RALB: variants seen among roughly 807,000 people sequenced by gnomAD.
RALB encodes ras-related protein Ral-B.
RALB carries 16 observed loss-of-function variants against 21.3 expected under a neutral mutation model. The observed-to-expected ratio is 0.75, with a 90% CI of 0.51 to 1.14. RALB has a LOEUF of 1.14. Among genes scored for constraint, RALB ranks in the 50% most tolerant of loss-of-function variants. RALB has a pLI of 0.00. For missense variants in RALB, 161 were observed against 256.2 expected (o/e 0.63, Z 2.54); for synonymous variants, 93 against 96.1 (o/e 0.97, Z 0.19).
intron 1 of RALB, among the ~76,000 whole-genome samples, chr2:120,266,496 C>T (rs530506794): frequency 2.0e-5 from 3 of 152,288 alleles, no homozygotes; most frequent in African/African-American, 7.2e-5. Context: ...ATCTGCCCAC[C>T]TTGGCCTCCC....
intron 3 of RALB, among the ~76,000 whole-genome samples, chr2:120,287,029 T>C (rs900958275): frequency 4.6e-5 from 7 of 152,166 alleles, no homozygotes; most frequent in African/African-American, 1.7e-4. Flanking sequence ...CTTATAAACA[T>C]ATCTATCTAG....
chr2:120,282,475 T>C (rs1217971706), intron 2 of RALB, among the ~76,000 whole-genome samples: 4 of 125,100 alleles, frequency 3.2e-5, no homozygotes, highest in Non-Finnish European at 6.2e-5. Context: ...CGAAACTCCA[T>C]CTCAAAAAAA....
Position 120,293,460 on chromosome 2 carries a change from G to A in RALB, c.*200G>A. On this transcript the variant is annotated 3_prime_UTR_variant, in exon 5 of 5. Coordinates refer to ENST00000272519, the MANE Select transcript of RALB (RefSeq NM_002881.3). ...CCCATGCAAGTGGAAGGGCTGCTTT[G>A]TCAGGAGGTTGTGGAATTTCTTTCT... 2.5e-6 allele frequency: 1 copy of A among 393,168 alleles called. No individual in the cohort carries two copies. Among genetic ancestry groups the A allele is most frequent in the Non-Finnish European group, 4.2e-6 (1 of 236,720 alleles). The allele number at this position is 393,168 out of a possible 1,614,324, so 24.4% of individuals were successfully genotyped here.
chr2:120,278,356 CCT>C (rs1689899343), intron 1 of RALB, among the ~76,000 whole-genome samples: 2 of 152,212 alleles, frequency 1.3e-5, no homozygotes, highest in African/African-American at 4.8e-5. Flanking sequence ...GACTGGGTGT[CCT>C]CTCCACCCTG....
At chr2:120,287,521 A>G (rs1387787429) in intron 3 of RALB, among the ~76,000 whole-genome samples, 2 of 152,228 alleles carry the variant, frequency 1.3e-5, no homozygotes, top group Non-Finnish European at 2.9e-5. Context: ...AACAGGACAG[A>G]TGCACACACT....
chr2:120,240,681 C>T (rs551971582), intron 1 of RALB, among the ~76,000 whole-genome samples: 9 of 152,320 alleles, frequency 5.9e-5, no homozygotes, highest in East Asian at 1.9e-4. Flanking sequence ...GGCAGGCCTA[C>T]ACAGGCCTGC....
intron 1 of RALB, among the ~76,000 whole-genome samples, chr2:120,261,157 T>TG (rs1270989411): frequency 5.9e-5 from 9 of 152,216 alleles, no homozygotes; most frequent in African/African-American, 1.7e-4. Flanking sequence ...GAAGGATATA[T>TG]GGGGGTCAAA....
At chr2:120,278,914 G>C in intron 2 of RALB, 136 bp downstream of exon 2, 2 of 720,910 alleles carry the variant, frequency 2.8e-6, no homozygotes, top group Non-Finnish European at 3.9e-6. Flanking sequence ...CTTCTGAATA[G>C]CTTCCTAGGA....
rs558249695 is a variant in RALB, at chr2:120,257,938, A to G, written c.-48+4958A>G. On this transcript the variant is annotated intron_variant, in intron 1 of 4. Coordinates refer to ENST00000272519, the MANE Select transcript of RALB (RefSeq NM_002881.3). ...TAAAAATCTCAAATTATATGTGTTC[A>G]TGTAGTAAACACTGCCATTTTTTAA... 6.2e-4 allele frequency among the ~76,000 whole-genome samples: 95 copies of G among 152,306 alleles called. No individual in the cohort carries two copies. The South Asian group carries it at 0.019, about 31-fold the overall frequency.
At chr2:120,277,994 TGTGTGCGA>T (rs1248143065) in intron 1 of RALB, among the ~76,000 whole-genome samples, 1 of 149,422 alleles carries the variant, frequency 6.7e-6, no homozygotes, top group Non-Finnish European at 1.5e-5. Flanking sequence ...TGTGTGAATG[TGTGTGCGA>T]GTGTGTGAGC....
chr2:120,287,130 G>T (rs1475090829), intron 3 of RALB, among the ~76,000 whole-genome samples: 3 of 152,218 alleles, frequency 2.0e-5, no homozygotes, highest in African/African-American at 7.2e-5. Context: ...TCTTCAGCAA[G>T]TTCTGGTCTG....
At chr2:120,247,409 C>T (rs1688989175) in intron 1 of RALB, among the ~76,000 whole-genome samples, 1 of 152,182 alleles carries the variant, frequency 6.6e-6, no homozygotes, top group South Asian at 2.1e-4. Context: ...TAGCAAATGA[C>T]TTGGGCCTCT....
chr2:120,270,833 G>C (rs978242181), intron 1 of RALB, among the ~76,000 whole-genome samples: 10 of 152,096 alleles, frequency 6.6e-5, no homozygotes, highest in Admixed American at 6.5e-4. Context: ...TTTCAATACT[G>C]TTCTTGTTTT....
upstream of RALB, among the ~76,000 whole-genome samples, chr2:120,251,620 T>A (rs1689058314): frequency 6.6e-6 from 1 of 152,266 alleles, no homozygotes; most frequent in Non-Finnish European, 1.5e-5. Context: ...GGTTTGGGTC[T>A]GATTCCTCTT....
intron 2 of RALB, among the ~76,000 whole-genome samples, chr2:120,282,568 G>A (rs991996457): frequency 7.4e-5 from 9 of 121,450 alleles, no homozygotes; most frequent in African/African-American, 2.4e-4. Flanking sequence ...TTGGGGAGGG[G>A]GGCGGGGGTG....
chr2:120,250,835 T>C (rs1258595505), upstream of RALB, among the ~76,000 whole-genome samples: 1 of 152,138 alleles, frequency 6.6e-6, no homozygotes, highest in Non-Finnish European at 1.5e-5. Context: ...GTGTCCTGTG[T>C]GAGACAGCCC....
chr2:120,278,475 C>A, intron 1 of RALB, 143 bp from the exon 2 acceptor site: 1 of 761,926 alleles, frequency 1.3e-6, no homozygotes, highest in Non-Finnish European at 1.9e-6. Flanking sequence ...GGAGGGCTCG[C>A]ATGTCTGCCC....
At chr2:120,250,592 T>C (rs1689038100), upstream of RALB, among the ~76,000 whole-genome samples, 2 of 152,022 alleles carry the variant, frequency 1.3e-5, no homozygotes, top group Non-Finnish European at 2.9e-5. Context: ...AAGGATGGAG[T>C]GTCTAGAATG....
chr2:120,277,809 G>C (rs1413664636), intron 1 of RALB, among the ~76,000 whole-genome samples: 2 of 151,178 alleles, frequency 1.3e-5, no homozygotes, highest in African/African-American at 4.9e-5. Context: ...GTGTGAGAGC[G>C]TGTGAGAGCA....
Sources: allele counts gnomAD v4.1 joint callset (sites outside exome capture counted in the v4.1 genomes callset), GRCh38; gene constraint gnomAD v4.1.1; transcripts MANE v1.5; gene names NCBI Gene and HGNC (gene_info 2026-07-23, HGNC 2026-07-21).